CD4: variants seen among roughly 807,000 people sequenced by gnomAD.
CD4 encodes the protein CD4 molecule.
CD4 carries 25 observed loss-of-function variants against 50.5 expected under a neutral mutation model. That is an observed-to-expected ratio of 0.49 (90% CI 0.36 to 0.69). The LOEUF is 0.69. Ranked by LOEUF, CD4 falls within the 30% of genes least tolerant of loss-of-function variation. The pLI is 0.00. For synonymous variants in CD4, 207 were observed against 221.9 expected (o/e 0.93, Z 0.60); for missense variants, 456 against 548.5 (o/e 0.83, Z 1.68).
rs761002055 is a variant in CD4 at position 6,808,236 on chromosome 12, C to T, written c.215-5906C>T. ...TTGGGAGGCCAAGGCGGGTGGATCA[C>T]GAGGTCAGGAGATTGAGCCACTCTG... On this transcript the variant is annotated intron_variant, in intron 3 of 9. Transcript: ENST00000011653. Among the ~76,000 whole-genome samples the T allele has an allele frequency of 1.3e-4, 10 of 79,044 alleles. No individual in the cohort carries two copies. In the South Asian group the frequency reaches 1.6e-3, roughly 12 times the overall value. 51.9% of individuals were successfully genotyped at this position (79,044 alleles called of 152,430 possible).
Position 6,817,140 on chromosome 12 carries a change from C to T in CD4, c.966C>T (p.Leu322=). 6.2e-7 allele frequency: 1 copy of T among 1,613,518 alleles called. No homozygotes were observed. Among genetic ancestry groups the T allele is most frequent in the Non-Finnish European group, 8.5e-7 (1 of 1,179,456 alleles). The change falls in exon 7 of 10, where the codon CTC becomes CTT. Residue 322 remains leucine (L), a synonymous_variant. Transcript: ENST00000011653. ...CTCGTTCCTCTGCAGCCACTCAGCT[C>T]CAGAAAAATTTGACCTGTGAGGTGT... ...VNLVVMRATQ[L]QKNLTCEVWG... is the part of the protein sequence containing the mutation.
Position 6,818,285 on chromosome 12 carries a change from G to A in CD4, c.1157-136G>A. On this transcript the variant is annotated intron_variant, in intron 7 of 9. Transcript: ENST00000011653. The surrounding 1 kb of genome is among the most constrained non-coding windows in gnomAD (Gnocchi z 5.0). ...TCCCCAGCACTGGCGGCCTTTGAGA[G>A]CCCCCAGGCACCCCTCCCCTCTCCC... 9.2e-7 allele frequency: 1 copy of A among 1,083,818 alleles called. No individual in the cohort carries two copies. The highest frequency in any genetic ancestry group is 1.5e-5 in the South Asian group (1 of 67,164). 67.1% of individuals were successfully genotyped at this position (1,083,818 alleles called of 1,614,324 possible).
intron 1 of CD4, among the ~76,000 whole-genome samples, chr12:6,793,668 CTATCT>C (rs1168661732): frequency 1.1e-5 from 1 of 90,852 alleles, no homozygotes; most frequent in Admixed American, 1.1e-4. Context: ...ATCTATCTAT[CTATCT>C]ATCTATCTAT....
chr12:6,815,365 A>G (rs1943058534), intron 5 of CD4, among the ~76,000 whole-genome samples: 1 of 152,166 alleles, frequency 6.6e-6, no homozygotes, highest in Non-Finnish European at 1.5e-5. Flanking sequence ...TAACACCAGT[A>G]AGCCAACCCT....
chr12:6,819,360 C>T lies in CD4; in HGVS notation c.*31C>T, dbSNP rs1555118678. 2 of 1,609,334 alleles carry T rather than the reference C, an allele frequency of 1.2e-6. 1 individual carries two copies. The highest frequency in any genetic ancestry group is 2.2e-5 in the South Asian group (2 of 90,980). On this transcript the variant is annotated 3_prime_UTR_variant, in exon 10 of 10. Coordinates refer to ENST00000011653, the MANE Select transcript of CD4 (RefSeq NM_000616.5). The stretch of plus-strand genomic sequence containing the variant: ...GAGGCCAGGCAGATCCCACTTGCAG[C>T]CTCCCCAGGTGTCTGCCCCGCGTTT...
chr12:6,815,066 C>A, intron 5 of CD4, 74 bp downstream of exon 5: 1 of 1,024,250 alleles, frequency 9.8e-7, no homozygotes, highest in Non-Finnish European at 1.5e-6. Flanking sequence ...GCTCTGACTG[C>A]CCTGTTTCTG....
At chr12:6,814,432 C>T in intron 4 of CD4, 132 bp downstream of exon 4, 1 of 937,242 alleles carries the variant, frequency 1.1e-6, no homozygotes, top group South Asian at 1.7e-5. Context: ...GTCAAACTGG[C>T]CTCCAAATGT....
chr12:6,812,650 A>T (rs1335174872), intron 3 of CD4, among the ~76,000 whole-genome samples: 5 of 151,728 alleles, frequency 3.3e-5, no homozygotes. Flanking sequence ...TTGCACTCCA[A>T]CCTGGGCAAC....
intron 1 of CD4, among the ~76,000 whole-genome samples, chr12:6,794,013 C>A (rs1442433691): frequency 1.4e-5 from 2 of 139,418 alleles, no homozygotes; most frequent in African/African-American, 5.3e-5. Context: ...TATCACCTAT[C>A]TATCTAATCT....
intron 3 of CD4, among the ~76,000 whole-genome samples, chr12:6,807,496 T>C (rs782640330): frequency 1.3e-5 from 2 of 152,250 alleles, no homozygotes; most frequent in South Asian, 4.1e-4. Flanking sequence ...TCCATTTATA[T>C]AACATTCTTA....
Position 6,816,040 on chromosome 12 carries a change from C to G in CD4, c.608-16C>G. 6.2e-7 allele frequency: 1 copy of G among 1,613,970 alleles called. No homozygotes were observed. The highest frequency in any genetic ancestry group is 8.5e-7 in the Non-Finnish European group (1 of 1,179,966). On this transcript the variant is annotated splice_polypyrimidine_tract_variant and intron_variant, in intron 5 of 9. Coordinates refer to ENST00000011653, the MANE Select transcript of CD4 (RefSeq NM_000616.5). This position sits in a 1 kb window ranked among gnomAD's most constrained non-coding sequence, Gnocchi z 4.9. Reference sequence around the variant, plus strand: ...TCCTATCTCCTCACCCAGGGTCTCTCCCTTCCCACCTCCAGCTTTCCAGAA... The same window carrying G: ...TCCTATCTCCTCACCCAGGGTCTCTGCCTTCCCACCTCCAGCTTTCCAGAA...
At position 6,818,825 on chromosome 12, in the gene CD4, T is replaced by C; in HGVS notation, c.1279-22T>C. 6.2e-7 allele frequency: 1 copy of C among 1,610,420 alleles called. No homozygotes were observed. On this transcript the variant is annotated intron_variant, in intron 8 of 9. Coordinates refer to ENST00000011653, the MANE Select transcript of CD4 (RefSeq NM_000616.5). The surrounding 1 kb of genome is among the most constrained non-coding windows in gnomAD (Gnocchi z 5.0). ...TCTGGAGGCCTGGGACCCTCGTGAC[T>C]CCCTTTCTTGTCCCTGGACAGCGCC... is the stretch of plus-strand genomic sequence containing the variant.
intron 5 of CD4, chr12:6,815,805 C>T (rs1381824907): frequency 4.8e-6 from 7 of 1,461,112 alleles, no homozygotes; most frequent in Non-Finnish European, 6.4e-6. Flanking sequence ...CAGCAAGGAT[C>T]CCCTGTGGCT....
At chr12:6,796,313 A>T (rs1942375230) in intron 1 of CD4, among the ~76,000 whole-genome samples, 1 of 152,224 alleles carries the variant, frequency 6.6e-6, no homozygotes, top group Admixed American at 6.5e-5. Flanking sequence ...GGGACTTCAG[A>T]GTAGGCAGAT....
chr12:6,807,372 A>G (rs748205038), intron 3 of CD4, among the ~76,000 whole-genome samples: 1 of 152,222 alleles, frequency 6.6e-6, no homozygotes, highest in Non-Finnish European at 1.5e-5. Context: ...ACCACGAAAT[A>G]CTTTTCAGCA....
intron 5 of CD4, 33 bp downstream of exon 5, chr12:6,815,025 C>G (rs200097903): frequency 6.8e-7 from 1 of 1,467,580 alleles, no homozygotes; most frequent in African/African-American, 1.4e-5. Flanking sequence ...CAGTCTCCTC[C>G]CTGCCCCAGG....
At position 6,809,269 on chromosome 12, in the gene CD4, C is replaced by A. The variant is rs79677311; in HGVS notation, c.215-4873C>A. On this transcript the variant is annotated intron_variant, in intron 3 of 9. Transcript: ENST00000011653. ...CTAGCACTTTGGGAGGCTGAGGCGG[C>A]TGGATGACTTGACCTGAGGATTTCG... is the stretch of plus-strand genomic sequence containing the variant. 6.4e-3 allele frequency among the ~76,000 whole-genome samples: 970 copies of A among 152,204 alleles called. 11 individuals are homozygous for A. The highest frequency in any genetic ancestry group is 0.022 in the African/African-American group (921 of 41,534).
At chr12:6,807,111 G>A (rs1338056179) in intron 3 of CD4, among the ~76,000 whole-genome samples, 3 of 152,164 alleles carry the variant, frequency 2.0e-5, no homozygotes, top group Non-Finnish European at 4.4e-5. Context: ...AGCTTGCAGT[G>A]AGCCGAGATC....
intron 3 of CD4, among the ~76,000 whole-genome samples, chr12:6,809,495 CAA>C (rs57125418): frequency 4.3e-5 from 6 of 140,820 alleles, no homozygotes; most frequent in African/African-American, 1.5e-4. Flanking sequence ...GACCCTGTCT[CAA>C]AAAAAAAAAA....
Sources: gnomAD v4.1 joint callset for allele counts (sites outside exome capture counted in the v4.1 genomes callset) on GRCh38, gnomAD v4.1.1 for gene constraint, Gnocchi (gnomAD v3.1) non-coding constraint, MANE v1.5 for transcripts, NCBI Gene and HGNC (gene_info 2026-07-23, HGNC 2026-07-21) for gene names.